The following PRR16 variants were observed in gnomAD, a reference collection of about 807,000 sequenced individuals.
PRR16 encodes the protein proline rich 16, also known as protein Largen.
A neutral mutation model predicts 18.2 loss-of-function variants in PRR16; 6 were observed. That is an observed-to-expected ratio of 0.33 (90% confidence interval 0.18 to 0.65). The LOEUF is 0.65. Ranked by LOEUF, PRR16 falls within the 30% of genes least tolerant of loss-of-function variation. PRR16 has a pLI of 0.74. For synonymous variants in PRR16, 151 were observed against 147.8 expected, an observed-to-expected ratio of 1.02 and a Z score of -0.16; for missense variants, 412 against 376.6, an observed-to-expected ratio of 1.09 and a Z score of -0.78.
chr5:120,746,730 T>A, the PRR16 span, among the ~76,000 whole-genome samples: 2,424 of 152,198 alleles, frequency 0.016, 72 homozygotes, highest in African/African-American at 0.055. Flanking sequence ...TGGAGGTCTT[T>A]AATGTAGAGC....
the PRR16 span, among the ~76,000 whole-genome samples, chr5:120,776,801 G>A: frequency 8.7e-5 from 13 of 149,240 alleles, no homozygotes; most frequent in Admixed American, 3.4e-4. Context: ...ATAATGAATT[G>A]TAAAATACAT....
intron 1 of PRR16, among the ~76,000 whole-genome samples, chr5:120,621,888 A>T (rs1754701617): frequency 6.6e-6 from 1 of 152,194 alleles, no homozygotes; most frequent in Non-Finnish European, 1.5e-5. Flanking sequence ...TTAGAGCAAC[A>T]GGAAAACAGA....
At chr5:120,793,819 C>T in the PRR16 span, among the ~76,000 whole-genome samples, 22 of 152,140 alleles carry the variant, frequency 1.4e-4, no homozygotes, top group African/African-American at 3.6e-4. Context: ...CTTACATGAA[C>T]CTAGATGCTA....
chr5:120,515,656 A>AT (rs1372184664), intron 1 of PRR16, among the ~76,000 whole-genome samples: 9 of 152,196 alleles, frequency 5.9e-5, no homozygotes, highest in East Asian at 3.9e-4. Context: ...GATTAATAGC[A>AT]TTTTTTACCA....
the PRR16 span, among the ~76,000 whole-genome samples, chr5:120,774,332 G>A: frequency 6.6e-6 from 1 of 152,054 alleles, no homozygotes; most frequent in Non-Finnish European, 1.5e-5. Flanking sequence ...GGCTTTGTCT[G>A]CTTACTCACT....
At chr5:120,486,228 G>A (rs898542547) in intron 1 of PRR16, among the ~76,000 whole-genome samples, 1 of 152,192 alleles carries the variant, frequency 6.6e-6, no homozygotes, top group African/African-American at 2.4e-5. Context: ...TCGCCACACT[G>A]ACTTCCACAG....
chr5:120,566,314 T>C (rs1471790099), intron 1 of PRR16, among the ~76,000 whole-genome samples: 2 of 152,152 alleles, frequency 1.3e-5, no homozygotes, highest in Non-Finnish European at 2.9e-5. Context: ...TACATCTCTT[T>C]CCTTTATGAA....
At chr5:120,667,552 G>T (rs575935697) in intron 1 of PRR16, among the ~76,000 whole-genome samples, 146 of 151,182 alleles carry the variant, frequency 9.7e-4, no homozygotes, top group African/African-American at 3.2e-3. Flanking sequence ...ATGTTAGGGT[G>T]TCAATTTTGG....
At chr5:120,521,790 T>C (rs1456959336) in intron 1 of PRR16, among the ~76,000 whole-genome samples, 3 of 152,176 alleles carry the variant, frequency 2.0e-5, no homozygotes, top group Non-Finnish European at 4.4e-5. Flanking sequence ...TCATTTACAT[T>C]AGGTATGTCT....
chr5:120,528,203 A>C (rs1751431828), intron 1 of PRR16, among the ~76,000 whole-genome samples: 1 of 152,190 alleles, frequency 6.6e-6, no homozygotes, highest in Non-Finnish European at 1.5e-5. Flanking sequence ...CAGGTCAATA[A>C]ATGGAATCTA....
chr5:120,481,562 C>G (rs1561508453), intron 1 of PRR16, among the ~76,000 whole-genome samples: 1 of 152,082 alleles, frequency 6.6e-6, no homozygotes, highest in Non-Finnish European at 1.5e-5. Flanking sequence ...AAAAATAATA[C>G]TGTATTATTT....
rs549738548 is a variant in PRR16 at position 120,489,690 on chromosome 5, T to C, written c.159+25045T>C. Among the ~76,000 whole-genome samples the C allele has an allele frequency of 3.3e-4, 51 of 152,314 alleles. No homozygotes were observed. In the East Asian group the frequency reaches 8.9e-3, roughly 27 times the overall value. On this transcript the variant is annotated intron_variant, in intron 1 of 1. Coordinates refer to ENST00000407149, the MANE Select transcript of PRR16 (RefSeq NM_001300783.2). ...ATTGTTATGTGTGGATTTGATCCTGTCATTATGATGTTAGCTGGTTAGTTT... is the reference window on the plus strand; with the variant it reads ...ATTGTTATGTGTGGATTTGATCCTGCCATTATGATGTTAGCTGGTTAGTTT...
At chr5:120,478,009 C>T (rs1046101685) in intron 1 of PRR16, among the ~76,000 whole-genome samples, 15 of 152,184 alleles carry the variant, frequency 9.9e-5, no homozygotes, top group East Asian at 1.9e-4. Context: ...ATTTATATAC[C>T]GAACAATTTA....
chr5:120,541,071 T>C (rs560845112), intron 1 of PRR16, among the ~76,000 whole-genome samples: 2 of 152,322 alleles, frequency 1.3e-5, no homozygotes, highest in South Asian at 4.1e-4. Flanking sequence ...ATTGCTTTAG[T>C]ATTTGAGGCA....
At chr5:120,755,207 A>C in the PRR16 span, among the ~76,000 whole-genome samples, 84 of 151,870 alleles carry the variant, frequency 5.5e-4, no homozygotes, top group Non-Finnish European at 5.6e-4. Flanking sequence ...AAAATTTAAA[A>C]AAAATCTAAA....
At chr5:120,597,113 TG>T (rs1291893911) in intron 1 of PRR16, among the ~76,000 whole-genome samples, 4 of 151,830 alleles carry the variant, frequency 2.6e-5, no homozygotes, top group Admixed American at 2.6e-4. Flanking sequence ...GTAATTTTTT[TG>T]CTTACGTAAG....
chr5:120,757,961 G>A, the PRR16 span, among the ~76,000 whole-genome samples: 2 of 152,068 alleles, frequency 1.3e-5, no homozygotes, highest in South Asian at 2.1e-4. Context: ...AGATAAATAA[G>A]GAGTGAGTAA....
At chr5:120,731,596 T>C in the PRR16 span, among the ~76,000 whole-genome samples, 2 of 152,320 alleles carry the variant, frequency 1.3e-5, no homozygotes, top group South Asian at 2.1e-4. Context: ...CAGCACATCA[T>C]TGGATTTGCA....
chr5:120,754,827 T>G, the PRR16 span, among the ~76,000 whole-genome samples: 2 of 150,842 alleles, frequency 1.3e-5, no homozygotes, highest in Admixed American at 1.3e-4. Context: ...AAGAGCAAGG[T>G]CAAAAGATAT....
Sources: allele counts gnomAD v4.1 joint callset (sites outside exome capture counted in the v4.1 genomes callset), GRCh38; gene constraint gnomAD v4.1.1; transcripts MANE v1.5; gene names NCBI Gene and HGNC (gene_info 2026-07-23, HGNC 2026-07-21).